The following GRID2IP variants were observed in gnomAD, a reference collection of about 807,000 sequenced individuals.
GRID2IP encodes delphilin.
Under a neutral mutation model 114.3 loss-of-function variants are expected in GRID2IP, and 78 were observed. The observed-to-expected ratio is 0.68, with a 90% confidence interval of 0.57 to 0.82. The LOEUF is 0.82. Ranked by LOEUF, GRID2IP falls within the 40% of genes least tolerant of loss-of-function variation. The pLI is 0.00. For missense variants in GRID2IP, 1,727 were observed against 1,678.5 expected (o/e 1.03, Z -0.51); for synonymous variants, 809 against 724.0 (o/e 1.12, Z -1.89).
At chr7:6,504,688 G>A (rs1583333474) in intron 15 of GRID2IP, 105 bp downstream of exon 15, 2 of 860,514 alleles carry the variant, frequency 2.3e-6, no homozygotes, top group African/African-American at 1.7e-5. Flanking sequence ...ACAGGAGGCC[G>A]GGTCCCCACC....
rs1293480875 is a variant in GRID2IP at position 6,509,122 on chromosome 7, T to C, written c.1963A>G (p.Ser655Gly). 1 of 1,476,148 alleles carries C rather than the reference T, an allele frequency of 6.8e-7. No homozygotes were observed. Among genetic ancestry groups the C allele is most frequent in the Non-Finnish European group, 9.0e-7 (1 of 1,113,196 alleles). The allele number at this position is 1,476,148 out of a possible 1,614,324, so 91.4% of individuals were successfully genotyped here. ...PGPICPDSPPSPDPTRPPSRR... is the reference protein window; with the variant it reads ...PGPICPDSPPGPDPTRPPSRR... ...CTGGGCGGGCGGGTGGGGTCCGGGC[T>C]TGGGGGGCTGTCGGGGCAGATGGGC... is the stretch of plus-strand genomic sequence containing the variant. Residue 655 changes from serine to glycine, a missense_variant, in exon 12 of 22, where the codon AGC becomes GGC. Coordinates refer to ENST00000457091, the MANE Select transcript of GRID2IP (RefSeq NM_001145118.2). The surrounding 1 kb of genome is among the most constrained non-coding windows in gnomAD (Gnocchi z 4.9).
At position 6,508,980 on chromosome 7, in the gene GRID2IP, G is replaced by T. The variant is rs1786679240; in HGVS notation, c.2105C>A (p.Thr702Asn). Reference sequence around the variant, plus strand: ...CACCTCCTCGTAGTCGTTCTCCGGGGTCAGGAAATCATCCACGATGGTGAC... The same window carrying T: ...CACCTCCTCGTAGTCGTTCTCCGGGTTCAGGAAATCATCCACGATGGTGAC... ...PRVTIVDDFL[T>N]PENDYEEMSF... The change falls in exon 12 of 22, where the codon ACC becomes AAC. Residue 702 changes from threonine to asparagine, a missense_variant. Transcript: ENST00000457091. This position sits in a 1 kb window ranked among gnomAD's most constrained non-coding sequence, Gnocchi z 5.6. The T allele has an allele frequency of 2.6e-6, 4 of 1,547,962 alleles. No individual in the cohort carries two copies. Among genetic ancestry groups the T allele is most frequent in the African/African-American group, 2.7e-5 (2 of 73,140 alleles).
At chr7:6,498,352 G>A (rs904961410) in intron 20 of GRID2IP, 124 bp from the exon 21 acceptor site, 2 of 868,854 alleles carry the variant, frequency 2.3e-6, no homozygotes, top group South Asian at 3.6e-5. Flanking sequence ...CAAGGGCCAG[G>A]CCCTGTGTCC....
chr7:6,520,634 G>T lies in GRID2IP; in HGVS notation c.1212C>A (p.Leu404=). The T allele has an allele frequency of 1.9e-6, 3 of 1,551,744 alleles. No individual in the cohort carries two copies. The highest frequency in any genetic ancestry group is 2.6e-6 in the Non-Finnish European group (3 of 1,146,994). The change falls in exon 7 of 22, where the codon CTC becomes CTA. Residue 404 remains leucine, a synonymous_variant. Coordinates refer to ENST00000457091, the MANE Select transcript of GRID2IP (RefSeq NM_001145118.2). This position sits in a 1 kb window ranked among gnomAD's most constrained non-coding sequence, Gnocchi z 4.6. ...AGACCCCATAGCGCTCAGGAGGTGT[G>T]AGTAGGTGCTCCAGCTGCTGGCTGA... ...RTFSQQLEHL[L]TPPERYGVCR...
rs745666408 is a variant in GRID2IP at position 6,497,855 on chromosome 7, G to A, written c.3565-10C>T. 2.6e-6 allele frequency: 4 copies of A among 1,548,802 alleles called. No homozygotes were observed. Among genetic ancestry groups the A allele is most frequent in the South Asian group, 1.2e-5 (1 of 83,858 alleles). ...GGTCACTCAGCGCTCGCTGGGGAGGGGGAACACAGAGGTAGGGTGGTCAGT... is the reference window on the plus strand; with the variant it reads ...GGTCACTCAGCGCTCGCTGGGGAGGAGGAACACAGAGGTAGGGTGGTCAGT... On this transcript the variant is annotated splice_polypyrimidine_tract_variant and intron_variant, in intron 21 of 21. Transcript: ENST00000457091.
intron 8 of GRID2IP, 69 bp from the exon 9 acceptor site, chr7:6,511,108 G>T (rs907126148): frequency 1.5e-6 from 2 of 1,325,868 alleles, no homozygotes; most frequent in African/African-American, 3.1e-5. Context: ...CCAAAACAGG[G>T]AGGGGAGGGC....
chr7:6,526,688 G>C lies in GRID2IP; in HGVS notation c.666C>G (p.Arg222=). 6.7e-7 allele frequency: 1 copy of C among 1,487,272 alleles called. No homozygotes were observed. The highest frequency in any genetic ancestry group is 8.9e-7 in the Non-Finnish European group (1 of 1,120,746). The allele number at this position is 1,487,272 out of a possible 1,614,324, so 92.1% of individuals were successfully genotyped here. A position where few individuals can be genotyped will look rare whatever the true frequency, so the allele number is the denominator to read the frequency against. ...GCAGTCGCTGCGCGCCCTGGGCCCG[G>C]CGTGCGCGGCACAGCTTGCCCAGGA... ...QGLLGKLCRA[R]RAQGAQRLRR... is the part of the protein sequence containing the mutation. The change falls in exon 3 of 22, where the codon CGC becomes CGG. Residue 222 remains arginine (R), a synonymous_variant. Transcript: ENST00000457091. The surrounding 1 kb of genome is among the most constrained non-coding windows in gnomAD (Gnocchi z 7.6).
Position 6,549,993 on chromosome 7 carries a change from T to G in GRID2IP, c.429+1015A>C, listed in dbSNP as rs185713584. On this transcript the variant is annotated intron_variant, in intron 1 of 21. Coordinates refer to ENST00000457091, the MANE Select transcript of GRID2IP (RefSeq NM_001145118.2). The stretch of plus-strand genomic sequence containing the variant: ...AGCGATATCTGTGGCTCTTTTTATT[T>G]TATCTTTTTATTTTAGAGATGCGGT... Among the ~76,000 whole-genome samples, 6 of 151,934 alleles carry G rather than the reference T, an allele frequency of 3.9e-5. No homozygotes were observed. In the East Asian group the frequency reaches 1.2e-3, roughly 29 times the overall value.
Position 6,519,034 on chromosome 7 carries a change from T to G in GRID2IP, c.1268+1544A>C, listed in dbSNP as rs1014041299. ...CCTGGGTTCAAGTGATTCTCCTGCC[T>G]CAGCCTCCCAAGTAGCTGGAACTAC... On this transcript the variant is annotated intron_variant, in intron 7 of 21. Transcript: ENST00000457091. The surrounding 1 kb of genome is among the most constrained non-coding windows in gnomAD (Gnocchi z 4.1). 5.3e-5 allele frequency among the ~76,000 whole-genome samples: 8 copies of G among 151,920 alleles called. No individual in the cohort carries two copies. Among genetic ancestry groups the G allele is most frequent in the African/African-American group, 1.9e-4 (8 of 41,382 alleles).
rs528467075 is a variant in GRID2IP at position 6,523,734 on chromosome 7, G to A, written c.920-1777C>T. The stretch of plus-strand genomic sequence containing the variant: ...CAGGCATGTGCCTCACTATTGCTCA[G>A]ACTGGTCTCAAACTCCTGGGCTCAA... On this transcript the variant is annotated intron_variant, in intron 4 of 21. Coordinates refer to ENST00000457091, the MANE Select transcript of GRID2IP (RefSeq NM_001145118.2). The surrounding 1 kb of genome is among the most constrained non-coding windows in gnomAD (Gnocchi z 4.5). 6.6e-5 allele frequency among the ~76,000 whole-genome samples: 10 copies of A among 152,064 alleles called. No individual in the cohort carries two copies. In the South Asian group the frequency reaches 2.1e-3, roughly 32 times the overall value.
intron 1 of GRID2IP, among the ~76,000 whole-genome samples, chr7:6,542,494 C>T (rs1779828900): frequency 6.6e-6 from 1 of 151,730 alleles, no homozygotes; most frequent in Non-Finnish European, 1.5e-5. Flanking sequence ...TTTCTACAAA[C>T]AAATTTTTTT....
rs972627575 is a variant in GRID2IP, at chr7:6,542,497, A to T, written c.430-2625T>A. On this transcript the variant is annotated intron_variant, in intron 1 of 21. Transcript: ENST00000457091. ...AGCATGACCCCATTTCTACAAACAA[A>T]TTTTTTTTAAATTAGCCAGATGTGG... Among the ~76,000 whole-genome samples the T allele has an allele frequency of 4.6e-5, 7 of 151,556 alleles. No homozygotes were observed. In the South Asian group the frequency reaches 6.2e-4, roughly 14 times the overall value.
intron 1 of GRID2IP, among the ~76,000 whole-genome samples, chr7:6,542,316 A>AG (rs1319715062): frequency 6.6e-6 from 1 of 151,154 alleles, no homozygotes. Flanking sequence ...CAAAAAAAAA[A>AG]AAAAAAAAAA....
At chr7:6,518,789 T>C (rs1044553691) in intron 7 of GRID2IP, among the ~76,000 whole-genome samples, 1 of 152,136 alleles carries the variant, frequency 6.6e-6, no homozygotes, top group African/African-American at 2.4e-5. Context: ...AAGTTGGGCA[T>C]CACTGTGATC....
rs367862172 is a variant in GRID2IP at position 6,505,702 on chromosome 7, AGGCT to A, written c.2632+114_2632+117del. The A allele has an allele frequency of 3.4e-3, 2,263 of 670,850 alleles. 5 individuals carry two copies. Among genetic ancestry groups the A allele is most frequent in the Non-Finnish European group, 5.0e-3 (1,867 of 375,648 alleles). The allele number at this position is 670,850 out of a possible 1,614,324, so 41.6% of individuals were successfully genotyped here. On this transcript the variant is annotated intron_variant, in intron 14 of 21. Coordinates refer to ENST00000457091, the MANE Select transcript of GRID2IP (RefSeq NM_001145118.2). ...AGCTATTAAATAACTCAGGGACTGA[AGGCT>A]TGAGGACGCATCAGGTTAAATAGTA...
Position 6,526,356 on chromosome 7 carries a change from G to A in GRID2IP, c.834-47C>T. The A allele has an allele frequency of 6.5e-7, 1 of 1,527,874 alleles. No homozygotes were observed. The highest frequency in any genetic ancestry group is 8.9e-7 in the Non-Finnish European group (1 of 1,126,808). 94.6% of individuals were successfully genotyped at this position (1,527,874 alleles called of 1,614,324 possible). On this transcript the variant is annotated intron_variant, in intron 3 of 21. Transcript: ENST00000457091. This position sits in a 1 kb window ranked among gnomAD's most constrained non-coding sequence, Gnocchi z 7.6. ...AGCAGCATGATGGAGAGGGGGCCCT[G>A]GGGCGCAGAGGTTGGAGATGTCCCG... is the stretch of plus-strand genomic sequence containing the variant.
rs1349450604 is a variant in GRID2IP, at chr7:6,519,437, G to C, written c.1268+1141C>G. 3.3e-5 allele frequency among the ~76,000 whole-genome samples: 5 copies of C among 152,056 alleles called. No homozygotes were observed. The highest frequency in any genetic ancestry group is 2.9e-5 in the Non-Finnish European group (2 of 68,006). On this transcript the variant is annotated intron_variant, in intron 7 of 21. Coordinates refer to ENST00000457091, the MANE Select transcript of GRID2IP (RefSeq NM_001145118.2). The surrounding 1 kb of genome is among the most constrained non-coding windows in gnomAD (Gnocchi z 4.1). ...TCGAGACCAGCCTGGGTAACATAGTGAGACCTCCCCATCTTTTTTAAAAAA... is the reference window on the plus strand; with the variant it reads ...TCGAGACCAGCCTGGGTAACATAGTCAGACCTCCCCATCTTTTTTAAAAAA...
chr7:6,547,321 G>C (rs1483823086), intron 1 of GRID2IP, among the ~76,000 whole-genome samples: 1 of 151,956 alleles, frequency 6.6e-6, no homozygotes, highest in African/African-American at 2.4e-5. Context: ...CAGGAGAATT[G>C]CTTGAGGCCA....
At chr7:6,502,428 C>T (rs1786442672) in intron 18 of GRID2IP, among the ~76,000 whole-genome samples, 2 of 152,136 alleles carry the variant, frequency 1.3e-5, no homozygotes, top group South Asian at 4.1e-4. Context: ...GTTGTCCAGG[C>T]TAGTCTCCAA....
Sources: allele counts gnomAD v4.1 joint callset (sites outside exome capture counted in the v4.1 genomes callset), GRCh38; gene constraint gnomAD v4.1.1; non-coding constraint Gnocchi (gnomAD v3.1); transcripts MANE v1.5; gene names NCBI Gene and HGNC (gene_info 2026-07-23, HGNC 2026-07-21).